Variants in CEP164 observed in about 807,000 individuals in gnomAD.
CEP164 encodes centrosomal protein 164.
In CEP164, 162 loss-of-function variants were observed where a neutral mutation model predicts 182.7. That is an observed-to-expected ratio of 0.89 (90% confidence interval 0.78 to 1.01). The LOEUF is 1.01. Among genes scored for constraint, CEP164 ranks in the 50% least tolerant of loss-of-function variants. The pLI, the probability that CEP164 is intolerant of heterozygous loss-of-function variation, is 0.00. For synonymous variants in CEP164, 661 were observed against 690.0 expected, an observed-to-expected ratio of 0.96 and a Z score of 0.66; for missense variants, 1,735 against 1,790.4, an observed-to-expected ratio of 0.97 and a Z score of 0.56.
intron 4 of CEP164, among the ~76,000 whole-genome samples, chr11:117,348,125 A>G (rs1304092739): frequency 2.0e-5 from 3 of 152,024 alleles, no homozygotes; most frequent in East Asian, 3.9e-4. Context: ...GTATGTCACC[A>G]TGCCTGGCTA....
At position 117,380,528 on chromosome 11, in the gene CEP164, C is replaced by T. The variant is rs921029212; in HGVS notation, c.1318-86C>T. The T allele has an allele frequency of 1.9e-5, 21 of 1,081,266 alleles. No homozygotes were observed. The South Asian group carries it at 2.0e-4, about 10-fold the overall frequency. The allele number at this position is 1,081,266 out of a possible 1,614,324, so 67.0% of individuals were successfully genotyped here. ...CTGGAGAGCAACTTCTCAGTGCTTTCGTCTAAGCTTGAGAGCCAGCAGGAG... is the reference window on the plus strand; with the variant it reads ...CTGGAGAGCAACTTCTCAGTGCTTTTGTCTAAGCTTGAGAGCCAGCAGGAG... On this transcript the variant is annotated intron_variant, in intron 11 of 32. Transcript: ENST00000278935.
intron 30 of CEP164, 152 bp downstream of exon 30, chr11:117,410,117 A>T (rs1190382707): frequency 1.3e-6 from 1 of 782,276 alleles, no homozygotes; most frequent in Non-Finnish European, 2.2e-6. Context: ...ACCATAGTCC[A>T]TTGGTCCATT....
chr11:117,402,776 G>A (rs1282279484), intron 27 of CEP164, among the ~76,000 whole-genome samples: 2 of 152,174 alleles, frequency 1.3e-5, no homozygotes, highest in African/African-American at 4.8e-5. Context: ...TCAATTTTCT[G>A]TCTCGTTGAT....
intron 8 of CEP164, among the ~76,000 whole-genome samples, chr11:117,367,006 AG>A (rs2041706570): frequency 6.6e-6 from 1 of 152,214 alleles, no homozygotes; most frequent in Admixed American, 6.5e-5. Context: ...CTGTGAAAGG[AG>A]GAGACAGAAG....
chr11:117,330,120 C>G (rs994695203), intron 1 of CEP164, among the ~76,000 whole-genome samples: 1 of 152,130 alleles, frequency 6.6e-6, no homozygotes, highest in South Asian at 2.1e-4. Context: ...ACCTGCTTAT[C>G]CTTCAAGAAC....
chr11:117,354,149 A>G (rs991040808), intron 5 of CEP164, among the ~76,000 whole-genome samples: 1 of 151,594 alleles, frequency 6.6e-6, no homozygotes, highest in Non-Finnish European at 1.5e-5. Flanking sequence ...TCCGAGGAGC[A>G]GGGACTACAG....
At chr11:117,384,266 G>T (rs929972886) in intron 14 of CEP164, among the ~76,000 whole-genome samples, 2 of 152,212 alleles carry the variant, frequency 1.3e-5, no homozygotes, top group African/African-American at 4.8e-5. Context: ...AGAGCTGGCA[G>T]GGCACGTGAG....
At chr11:117,345,976 C>G (rs892335908) in intron 4 of CEP164, among the ~76,000 whole-genome samples, 2 of 152,296 alleles carry the variant, frequency 1.3e-5, no homozygotes, top group East Asian at 1.9e-4. Flanking sequence ...CGTGAGAGCC[C>G]GGCCTGTTCT....
At chr11:117,370,420 G>A (rs2042086598) in intron 8 of CEP164, among the ~76,000 whole-genome samples, 1 of 152,210 alleles carries the variant, frequency 6.6e-6, no homozygotes, top group Non-Finnish European at 1.5e-5. Flanking sequence ...GGAGTCTGCA[G>A]TCTTCTGATG....
intron 15 of CEP164, among the ~76,000 whole-genome samples, chr11:117,389,224 G>A (rs1042432436): frequency 5.9e-5 from 9 of 152,122 alleles, no homozygotes; most frequent in Non-Finnish European, 1.0e-4. Context: ...TTCCCTGAGC[G>A]CACAGCACAC....
At chr11:117,355,886 C>T (rs1380279961) in intron 5 of CEP164, 20 of 1,042,262 alleles carry the variant, frequency 1.9e-5, no homozygotes, top group Non-Finnish European at 2.3e-5. Flanking sequence ...TCAGAATCCC[C>T]TTTTAGGGAG....
intron 2 of CEP164, among the ~76,000 whole-genome samples, chr11:117,338,038 A>G (rs1443616351): frequency 1.3e-5 from 2 of 150,512 alleles, no homozygotes; most frequent in Non-Finnish European, 3.0e-5. Flanking sequence ...TTATCTTAGC[A>G]CTCTCAGAAC....
chr11:117,396,061 G>A lies in CEP164; in HGVS notation c.3097G>A (p.Glu1033Lys), dbSNP rs754940107. ...TCATCTTTCCTTCCACAGCAGCCTG[G>A]AGGCTGAAGCTCAAAAGAAGCAGCA... is the stretch of plus-strand genomic sequence containing the variant. Reference protein sequence around the residue: ...QQLQKHFSSLEAEAQKKQHLL... With the variant: ...QQLQKHFSSLKAEAQKKQHLL... Residue 1033 changes from glutamate (E) to lysine (K), a missense_variant, in exon 25 of 33, where the codon GAG becomes AAG. Coordinates refer to ENST00000278935, the MANE Select transcript of CEP164 (RefSeq NM_014956.5). 2 of 1,614,154 alleles carry A rather than the reference G, an allele frequency of 1.2e-6. No homozygotes were observed. The highest frequency in any genetic ancestry group is 2.2e-5 in the South Asian group (2 of 91,066).
intron 5 of CEP164, chr11:117,354,888 G>A (rs1489456985): frequency 8.2e-7 from 1 of 1,219,782 alleles, no homozygotes; most frequent in African/African-American, 1.6e-5. Context: ...TAAATCAGAA[G>A]TGCTTTGTCT....
At chr11:117,362,234 G>C (rs1469344333) in intron 6 of CEP164, among the ~76,000 whole-genome samples, 170 bp from the exon 7 acceptor site, 1 of 152,192 alleles carries the variant, frequency 6.6e-6, no homozygotes, top group African/African-American at 2.4e-5. Flanking sequence ...AAGGCAGTAG[G>C]AGTAGGCAAA....
intron 5 of CEP164, among the ~76,000 whole-genome samples, chr11:117,354,158 A>G (rs2040025589): frequency 6.6e-6 from 1 of 151,690 alleles, no homozygotes; most frequent in African/African-American, 2.4e-5. Context: ...CAGGGACTAC[A>G]GGCGCCCACC....
chr11:117,334,039 A>C (rs1237147008), intron 1 of CEP164, among the ~76,000 whole-genome samples: 1 of 152,152 alleles, frequency 6.6e-6, no homozygotes, highest in Non-Finnish European at 1.5e-5. Flanking sequence ...GGCATCATCT[A>C]AATCAGGCTT....
At chr11:117,349,495 A>AT (rs1048821151) in intron 4 of CEP164, among the ~76,000 whole-genome samples, 9 of 151,668 alleles carry the variant, frequency 5.9e-5, no homozygotes, top group Non-Finnish European at 1.2e-4. Context: ...AATTAAATTA[A>AT]TTTTTTTCTT....
intron 13 of CEP164, 64 bp from the exon 14 acceptor site, chr11:117,382,732 G>C (rs971821589): frequency 3.2e-6 from 5 of 1,563,236 alleles, no homozygotes; most frequent in African/African-American, 1.4e-5. Flanking sequence ...CCCAAATGGC[G>C]TACATCTTAA....
Sources: allele counts gnomAD v4.1 joint callset (sites outside exome capture counted in the v4.1 genomes callset), GRCh38; gene constraint gnomAD v4.1.1; transcripts MANE v1.5; gene names NCBI Gene and HGNC (gene_info 2026-07-23, HGNC 2026-07-21).